MEIKIN: variants seen among roughly 807,000 people sequenced by gnomAD.
MEIKIN encodes the protein meiosis-specific kinetochore protein.
At chr5:131,833,690 G>A (rs1236377071) in intron 11 of MEIKIN, among the ~76,000 whole-genome samples, 9 of 152,158 alleles carry the variant, frequency 5.9e-5, no homozygotes, top group Non-Finnish European at 1.0e-4. Context: ...ACTATCACGA[G>A]TATAGCATGG....
intron 12 of MEIKIN, among the ~76,000 whole-genome samples, chr5:131,814,108 A>T (rs932346879): frequency 6.6e-6 from 1 of 151,974 alleles, no homozygotes; most frequent in South Asian, 2.1e-4. Flanking sequence ...CACCAAATTG[A>T]GGGTGAGTCT....
At chr5:131,935,168 T>C (rs895262534) in intron 4 of MEIKIN, among the ~76,000 whole-genome samples, 2 of 149,108 alleles carry the variant, frequency 1.3e-5, no homozygotes, top group African/African-American at 5.0e-5. Context: ...CAGTGGCTCA[T>C]GCCTGTAATA....
At chr5:131,900,741 G>A (rs1424499158) in intron 8 of MEIKIN, among the ~76,000 whole-genome samples, 1 of 152,128 alleles carries the variant, frequency 6.6e-6, no homozygotes, top group Non-Finnish European at 1.5e-5. Flanking sequence ...GGCAGCACTT[G>A]CTTGAATGTA....
chr5:131,810,827 C>T (rs779836988), intron 12 of MEIKIN, among the ~76,000 whole-genome samples: 1 of 152,182 alleles, frequency 6.6e-6, no homozygotes, highest in Non-Finnish European at 1.5e-5. Flanking sequence ...CAGCATAGTG[C>T]CAGTTATTAA....
intron 11 of MEIKIN, among the ~76,000 whole-genome samples, chr5:131,835,918 G>T (rs1481470770): frequency 6.6e-6 from 1 of 152,076 alleles, no homozygotes; most frequent in Admixed American, 6.5e-5. Flanking sequence ...TAACTTTTAA[G>T]TTCAGGAGTA....
intron 8 of MEIKIN, among the ~76,000 whole-genome samples, chr5:131,894,643 T>C (rs925963255): frequency 1.1e-4 from 17 of 152,180 alleles, no homozygotes; most frequent in Non-Finnish European, 2.5e-4. Context: ...TCCTAGGTAT[T>C]TTATTCTCTT....
Position 131,845,272 on chromosome 5 carries a change from T to TAAAAAAAAAA in MEIKIN, c.975+5982_975+5991dup, listed in dbSNP as rs1158220526. 3.9e-3 allele frequency among the ~76,000 whole-genome samples: 177 copies of TAAAAAAAAAA among 45,358 alleles called. 25 individuals carry two copies. The highest frequency in any genetic ancestry group is 0.023 in the African/African-American group (167 of 7,162). 29.8% of individuals were successfully genotyped at this position (45,358 alleles called of 152,430 possible). On this transcript the variant is annotated intron_variant, in intron 11 of 12. Coordinates refer to ENST00000442687, the MANE Select transcript of MEIKIN (RefSeq NM_001303622.2). Reference sequence around the variant, plus strand: ...GTGACAGAGCGAGAAGACTTCGTCTTAAAAAAAAAAAAAAAAAAAAAAAAA... The same window carrying TAAAAAAAAAA: ...GTGACAGAGCGAGAAGACTTCGTCTTAAAAAAAAAAAAAAAAAAAAAAAAAAAAAAAAAAA...
chr5:131,815,784 G>A (rs1773090755), intron 12 of MEIKIN, among the ~76,000 whole-genome samples: 1 of 152,160 alleles, frequency 6.6e-6, no homozygotes, highest in South Asian at 2.1e-4. Context: ...CCCAATCCAT[G>A]CAGGACTGCT....
intron 9 of MEIKIN, among the ~76,000 whole-genome samples, chr5:131,856,520 A>G (rs903754278): frequency 6.6e-6 from 1 of 152,190 alleles, no homozygotes. Context: ...ATAATAGACA[A>G]TCTTTTCTCC....
intron 9 of MEIKIN, among the ~76,000 whole-genome samples, chr5:131,860,530 C>T (rs1163099705): frequency 6.6e-6 from 1 of 151,796 alleles, no homozygotes; most frequent in African/African-American, 2.4e-5. Context: ...ACTGCAACCT[C>T]CGCCTCCCAG....
chr5:131,915,164 A>G (rs1751397916), intron 7 of MEIKIN, among the ~76,000 whole-genome samples: 1 of 152,204 alleles, frequency 6.6e-6, no homozygotes, highest in Non-Finnish European at 1.5e-5. Flanking sequence ...AAGTGACTCT[A>G]CTACAAAGGT....
chr5:131,902,481 G>A (rs911001661), intron 8 of MEIKIN, among the ~76,000 whole-genome samples: 5 of 116,736 alleles, frequency 4.3e-5, no homozygotes, highest in Admixed American at 3.2e-4. Flanking sequence ...CAGAAACCAG[G>A]AAGATGGTTT....
chr5:131,857,199 C>A (rs1750210178), intron 9 of MEIKIN, among the ~76,000 whole-genome samples: 1 of 152,078 alleles, frequency 6.6e-6, no homozygotes, highest in African/African-American at 2.4e-5. Context: ...TCAAGAAATA[C>A]ATTTTATAGT....
At chr5:131,874,120 C>A (rs985246188) in intron 9 of MEIKIN, among the ~76,000 whole-genome samples, 2 of 152,048 alleles carry the variant, frequency 1.3e-5, no homozygotes, top group African/African-American at 2.4e-5. Flanking sequence ...CAAAAGCTAG[C>A]AGAAGGCAAG....
At chr5:131,916,019 T>C (rs577178997) in intron 7 of MEIKIN, among the ~76,000 whole-genome samples, 1 of 152,294 alleles carries the variant, frequency 6.6e-6, no homozygotes, top group Admixed American at 6.5e-5. Flanking sequence ...CCCGTCTCCA[T>C]TAGCTACTAA....
intron 9 of MEIKIN, among the ~76,000 whole-genome samples, chr5:131,871,494 G>T (rs956963566): frequency 2.6e-5 from 4 of 152,232 alleles, no homozygotes; most frequent in African/African-American, 7.2e-5. Context: ...AAACAAAGCG[G>T]CTGGGAAGCT....
chr5:131,839,731 C>T (rs1749870803), intron 11 of MEIKIN, among the ~76,000 whole-genome samples: 1 of 152,114 alleles, frequency 6.6e-6, no homozygotes, highest in Non-Finnish European at 1.5e-5. Context: ...TTGTTTTCAG[C>T]CTATGTATGT....
At chr5:131,845,413 GT>G (rs1750000740) in intron 11 of MEIKIN, among the ~76,000 whole-genome samples, 1 of 149,498 alleles carries the variant, frequency 6.7e-6, no homozygotes, top group Admixed American at 6.7e-5. Context: ...AAACAGAAAA[GT>G]ATGGTACATT....
intron 8 of MEIKIN, among the ~76,000 whole-genome samples, chr5:131,880,522 G>A (rs1580887400): frequency 6.6e-6 from 1 of 152,096 alleles, no homozygotes; most frequent in Non-Finnish European, 1.5e-5. Context: ...GATTACAGGC[G>A]TAAGCCATGA....
Sources: gnomAD v4.1 joint callset for allele counts (sites outside exome capture counted in the v4.1 genomes callset) on GRCh38, gnomAD v4.1.1 for gene constraint, MANE v1.5 for transcripts, NCBI Gene and HGNC (gene_info 2026-07-23, HGNC 2026-07-21) for gene names.